Variants in PHACTR4 observed in about 807,000 individuals in gnomAD.
PHACTR4 encodes phosphatase and actin regulator 4.
PHACTR4 carries 51 observed loss-of-function variants against 72.7 expected under a neutral mutation model. The ratio of observed to expected loss-of-function variants is 0.70; its 90% CI spans 0.56 to 0.89. The LOEUF (loss-of-function observed/expected upper bound fraction) is 0.89. PHACTR4 is among the 40% of genes least tolerant of loss of function. The pLI, the probability that PHACTR4 is intolerant of heterozygous loss-of-function variation, is 0.00. For missense variants in PHACTR4, 731 were observed against 861.8 expected (o/e 0.85, Z 1.90); for synonymous variants, 255 against 302.5 (o/e 0.84, Z 1.63).
intron 1 of PHACTR4, among the ~76,000 whole-genome samples, chr1:28,392,255 C>T (rs754099931): frequency 2.8e-4 from 42 of 152,146 alleles, no homozygotes; most frequent in South Asian, 6.2e-4. Flanking sequence ...GAGTCTGCTA[C>T]ATGCCCTTTA....
chr1:28,393,389 A>G (rs890016995), intron 1 of PHACTR4, among the ~76,000 whole-genome samples: 1 of 152,214 alleles, frequency 6.6e-6, no homozygotes, highest in Non-Finnish European at 1.5e-5. Context: ...AAATGAATGC[A>G]CTGCATAATA....
chr1:28,438,302 C>A, intron 2 of PHACTR4: 1 of 1,565,492 alleles, frequency 6.4e-7, no homozygotes, highest in Admixed American at 1.9e-5. Context: ...CATGTCCCCT[C>A]TTTATGTGGA....
At chr1:28,387,933 G>T (rs1444111455) in intron 1 of PHACTR4, among the ~76,000 whole-genome samples, 1 of 152,058 alleles carries the variant, frequency 6.6e-6, no homozygotes, top group East Asian at 1.9e-4. Flanking sequence ...TCTCCATGTT[G>T]GCCAGGCTGG....
chr1:28,488,259 A>G (rs577637153), intron 9 of PHACTR4, among the ~76,000 whole-genome samples: 2 of 152,032 alleles, frequency 1.3e-5, no homozygotes, highest in South Asian at 4.2e-4. Flanking sequence ...GCACTTTGGG[A>G]GGCCGAGGCA....
chr1:28,387,570 A>C (rs942745202), intron 1 of PHACTR4, among the ~76,000 whole-genome samples: 2 of 151,952 alleles, frequency 1.3e-5, no homozygotes, highest in Admixed American at 1.3e-4. Flanking sequence ...TCAGGATATC[A>C]GTGCACCTTT....
At chr1:28,468,048 G>A (rs1384781534) in intron 6 of PHACTR4, among the ~76,000 whole-genome samples, 2 of 152,142 alleles carry the variant, frequency 1.3e-5, no homozygotes, top group Non-Finnish European at 2.9e-5. Context: ...ACCATGTTGG[G>A]TGGAGTGATT....
intron 2 of PHACTR4, among the ~76,000 whole-genome samples, chr1:28,443,324 G>A (rs1180781776): frequency 6.7e-6 from 1 of 148,754 alleles, no homozygotes; most frequent in Non-Finnish European, 1.5e-5. Flanking sequence ...CTCTGTCACC[G>A]AGGCTGGAGT....
rs111613013 is a variant in PHACTR4, at chr1:28,466,818, A to G, written c.823+50A>G. On this transcript the variant is annotated intron_variant, in intron 6 of 13. Coordinates refer to ENST00000373839, the MANE Select transcript of PHACTR4 (RefSeq NM_001048183.3). ...TGTTTTGGGTTTGGTTTGATGTTGG[A>G]TGGTTATTTTATTTGATAACTGGTA... 209 of 1,548,242 alleles carry G rather than the reference A, an allele frequency of 1.3e-4. No homozygotes were observed. In the African/African-American group the frequency reaches 2.4e-3, roughly 18 times the overall value.
At chr1:28,490,692 A>G (rs1403915614) in intron 10 of PHACTR4, among the ~76,000 whole-genome samples, 3 of 151,838 alleles carry the variant, frequency 2.0e-5, no homozygotes, top group Admixed American at 6.6e-5. Context: ...CTAAAAATAC[A>G]AAAATCAGCT....
intron 2 of PHACTR4, among the ~76,000 whole-genome samples, chr1:28,447,388 CT>C (rs1427870607): frequency 6.7e-6 from 1 of 148,228 alleles, no homozygotes; most frequent in Non-Finnish European, 1.5e-5. Flanking sequence ...TTTCCTCTTT[CT>C]TTTTTCTTTT....
At chr1:28,435,191 T>C (rs1656553519) in intron 2 of PHACTR4, among the ~76,000 whole-genome samples, 1 of 152,220 alleles carries the variant, frequency 6.6e-6, no homozygotes, top group African/African-American at 2.4e-5. Context: ...ATTGAGAGGT[T>C]TTCAGGTACC....
chr1:28,493,652 GGA>G (rs1553207558), intron 13 of PHACTR4, among the ~76,000 whole-genome samples: 1 of 152,146 alleles, frequency 6.6e-6, no homozygotes, highest in Non-Finnish European at 1.5e-5. Context: ...TTATCACTGA[GGA>G]AATGGAGGCT....
At chr1:28,375,224 A>G (rs1557770723) in intron 1 of PHACTR4, among the ~76,000 whole-genome samples, 1 of 152,070 alleles carries the variant, frequency 6.6e-6, no homozygotes, top group Admixed American at 6.6e-5. Context: ...GCTTGATCCC[A>G]GGAGGCAGAG....
chr1:28,454,241 T>C (rs1387498910), intron 2 of PHACTR4, among the ~76,000 whole-genome samples: 1 of 149,976 alleles, frequency 6.7e-6, no homozygotes, highest in Non-Finnish European at 1.5e-5. Flanking sequence ...AAGCAAAAAT[T>C]AATAGAACTA....
intron 1 of PHACTR4, among the ~76,000 whole-genome samples, chr1:28,384,904 C>T (rs7525034): frequency 0.39 from 58,619 of 151,866 alleles, 13,004 homozygotes; most frequent in African/African-American, 0.6. Context: ...AAAATAATAA[C>T]AAATAAATAA....
chr1:28,489,918 T>G (rs1341791919), intron 10 of PHACTR4: 1 of 518,270 alleles, frequency 1.9e-6, no homozygotes, highest in East Asian at 5.5e-5. Context: ...AATAACTTAG[T>G]ACATTTTCTA....
intron 1 of PHACTR4, among the ~76,000 whole-genome samples, chr1:28,404,736 C>T (rs890331894): frequency 1.3e-5 from 2 of 152,132 alleles, no homozygotes; most frequent in Non-Finnish European, 2.9e-5. Context: ...AGTTTCTCTG[C>T]ATCTTTCCTA....
chr1:28,444,771 G>A (rs1229854086), intron 2 of PHACTR4, among the ~76,000 whole-genome samples: 4 of 138,202 alleles, frequency 2.9e-5, no homozygotes, highest in Admixed American at 7.2e-5. Flanking sequence ...GCCTGCCACC[G>A]CACCCAGCTA....
intron 1 of PHACTR4, among the ~76,000 whole-genome samples, chr1:28,381,966 A>G (rs1265971509): frequency 2.0e-5 from 3 of 151,912 alleles, no homozygotes; most frequent in Non-Finnish European, 4.4e-5. Context: ...TGAGGTTTCA[A>G]CATGTTGGCC....
Sources: allele counts gnomAD v4.1 joint callset (sites outside exome capture counted in the v4.1 genomes callset), GRCh38; gene constraint gnomAD v4.1.1; transcripts MANE v1.5; gene names NCBI Gene and HGNC (gene_info 2026-07-23, HGNC 2026-07-21).